CTNNA2: variants seen among roughly 807,000 people sequenced by gnomAD.
The protein encoded by CTNNA2 is catenin alpha 2.
Under a neutral mutation model 101.0 loss-of-function variants are expected in CTNNA2, and 42 were observed. That is an observed-to-expected ratio of 0.42 (90% CI 0.32 to 0.54). The LOEUF (loss-of-function observed/expected upper bound fraction) is 0.54. Among genes scored for constraint, CTNNA2 ranks in the 20% least tolerant of loss-of-function variants. The pLI is 0.14. For synonymous variants in CTNNA2, 450 were observed against 456.4 expected, an observed-to-expected ratio of 0.99 and a Z score of 0.18; for missense variants, 871 against 1,223.1, an observed-to-expected ratio of 0.71 and a Z score of 4.29.
intron 7 of CTNNA2, among the ~76,000 whole-genome samples, chr2:79,964,405 GT>G (rs752333371): frequency 6.6e-6 from 1 of 151,106 alleles, no homozygotes; most frequent in Non-Finnish European, 1.5e-5. Context: ...TCAAATATGG[GT>G]TTGGAAAAAA....
At chr2:79,393,599 G>T (rs1678197498) in intron 4 of CTNNA2, among the ~76,000 whole-genome samples, 1 of 132,852 alleles carries the variant, frequency 7.5e-6, no homozygotes, top group Admixed American at 8.5e-5. Context: ...CATATCAGTA[G>T]CAGTAGGATA....
At position 80,313,635 on chromosome 2, in the gene CTNNA2, A is replaced by G. The variant is rs1273532055; in HGVS notation, c.1057-79576A>G. On this transcript the variant is annotated intron_variant, in intron 7 of 18. Transcript: ENST00000402739. ...AAAAATATGAAGACTTCTGAGATGC[A>G]TACCATGTCTGGAGCACAGGTATGC... 10 of 1,608,990 alleles carry G rather than the reference A, an allele frequency of 6.2e-6. No homozygotes were observed. The South Asian group carries it at 8.9e-5, about 14-fold the overall frequency.
Position 80,122,281 on chromosome 2 carries a change from C to G in CTNNA2, c.1056+212484C>G, listed in dbSNP as rs536382983. Among the ~76,000 whole-genome samples the G allele has an allele frequency of 1.3e-4, 20 of 151,364 alleles. No individual in the cohort carries two copies. The South Asian group carries it at 4.0e-3, about 30-fold the overall frequency. ...TCTGTTTCCCTCTCTTTCTTTGTCT[C>G]TGTCTCTCTCTCAATCTCTCTTCCC... On this transcript the variant is annotated intron_variant, in intron 7 of 18. Transcript: ENST00000402739.
At chr2:79,301,222 T>C (rs1420945718) in intron 2 of CTNNA2, among the ~76,000 whole-genome samples, 2 of 152,254 alleles carry the variant, frequency 1.3e-5, no homozygotes, top group South Asian at 2.1e-4. Context: ...CATGTCTTTA[T>C]AAGATTTTCC....
At chr2:79,394,660 G>T (rs777007856) in intron 4 of CTNNA2, among the ~76,000 whole-genome samples, 6 of 152,122 alleles carry the variant, frequency 3.9e-5, no homozygotes, top group African/African-American at 7.2e-5. Flanking sequence ...TTCTGACCCT[G>T]CAGGACATCA....
intron 3 of CTNNA2, among the ~76,000 whole-genome samples, chr2:79,818,997 TGAGACG>T (rs1677796496): frequency 6.7e-6 from 1 of 148,892 alleles, no homozygotes. Flanking sequence ...TTTTTTTAAT[TGAGACG>T]GAGTCTCACT....
intron 7 of CTNNA2, among the ~76,000 whole-genome samples, chr2:79,916,500 CAG>C (rs1304125924): frequency 9.7e-5 from 13 of 134,552 alleles, no homozygotes; most frequent in South Asian, 5.1e-4. Context: ...CTTCCTTGAA[CAG>C]AGTTTTCTAA....
At chr2:79,957,116 C>T (rs541984654) in intron 7 of CTNNA2, among the ~76,000 whole-genome samples, 1 of 152,118 alleles carries the variant, frequency 6.6e-6, no homozygotes, top group African/African-American at 2.4e-5. Flanking sequence ...AAATGCTTAG[C>T]ATCTCATGCT....
At chr2:80,066,547 C>T (rs2148768638) in intron 7 of CTNNA2, among the ~76,000 whole-genome samples, 1 of 152,192 alleles carries the variant, frequency 6.6e-6, no homozygotes, top group Admixed American at 6.5e-5. Context: ...GAGCTATCAC[C>T]TCACACTTTT....
At chr2:79,624,638 T>A (rs2104310897) in intron 1 of CTNNA2, among the ~76,000 whole-genome samples, 1 of 152,228 alleles carries the variant, frequency 6.6e-6, no homozygotes, top group South Asian at 2.1e-4. Context: ...TGGGAGTGAA[T>A]TAATTAGTTA....
intron 1 of CTNNA2, among the ~76,000 whole-genome samples, chr2:79,530,115 C>A (rs969598772): frequency 6.6e-6 from 1 of 152,124 alleles, no homozygotes; most frequent in Non-Finnish European, 1.5e-5. Context: ...GTTTTCTCTT[C>A]ATCCTGATTT....
intron 9 of CTNNA2, among the ~76,000 whole-genome samples, chr2:80,460,748 A>G (rs1271513613): frequency 6.6e-6 from 1 of 152,166 alleles, no homozygotes; most frequent in Admixed American, 6.6e-5. Flanking sequence ...CTTATTTAAA[A>G]TATCTTGTAC....
At chr2:79,383,820 G>T (rs898702749) in intron 4 of CTNNA2, among the ~76,000 whole-genome samples, 1 of 152,112 alleles carries the variant, frequency 6.6e-6, no homozygotes, top group African/African-American at 2.4e-5. Context: ...TGAAATTGGG[G>T]GTCTGGAGAC....
chr2:80,042,157 G>A (rs368216852), intron 7 of CTNNA2, among the ~76,000 whole-genome samples: 14 of 152,114 alleles, frequency 9.2e-5, no homozygotes, highest in Admixed American at 2.0e-4. Context: ...TGGAGACAGC[G>A]TTTCACCATG....
At chr2:80,541,317 C>T (rs1032325220) in intron 9 of CTNNA2, among the ~76,000 whole-genome samples, 5 of 152,068 alleles carry the variant, frequency 3.3e-5, no homozygotes, top group African/African-American at 9.7e-5. Flanking sequence ...AGCAGGAGTA[C>T]GTTGCAGAGT....
intron 2 of CTNNA2, chr2:79,687,502 C>T (rs1235852752): frequency 5.0e-6 from 3 of 605,368 alleles, no homozygotes; most frequent in Non-Finnish European, 9.0e-6. Context: ...ATTTGCATTA[C>T]CCAGAGGGCA....
intron 2 of CTNNA2, among the ~76,000 whole-genome samples, chr2:79,691,360 T>C (rs571361020): frequency 6.6e-6 from 1 of 152,004 alleles, no homozygotes; most frequent in Non-Finnish European, 1.5e-5. Context: ...TCAGTACTCA[T>C]TTAGTGGATA....
intron 9 of CTNNA2, among the ~76,000 whole-genome samples, chr2:80,495,590 C>G (rs1219080412): frequency 1.3e-5 from 2 of 152,126 alleles, no homozygotes; most frequent in Non-Finnish European, 2.9e-5. Flanking sequence ...AAGATGAGGT[C>G]ATACTGGAGT....
Position 79,726,403 on chromosome 2 carries a change from G to A in CTNNA2, c.103-17984G>A, listed in dbSNP as rs543243803. On this transcript the variant is annotated intron_variant, in intron 2 of 18. Transcript: ENST00000402739. ...GCCCACAGCAGGAGGTGAGTGGTGG[G>A]CAAGTGAGCGTTACCACCTGAGCTC... is the stretch of plus-strand genomic sequence containing the variant. Among the ~76,000 whole-genome samples, 10 of 152,304 alleles carry A rather than the reference G, an allele frequency of 6.6e-5. No homozygotes were observed. The South Asian group carries it at 2.1e-3, about 32-fold the overall frequency.
Sources: gnomAD v4.1 joint callset for allele counts (sites outside exome capture counted in the v4.1 genomes callset) on GRCh38, gnomAD v4.1.1 for gene constraint, MANE v1.5 for transcripts, NCBI Gene and HGNC (gene_info 2026-07-23, HGNC 2026-07-21) for gene names.